LSAMP: variants seen among roughly 807,000 people sequenced by gnomAD.
The protein encoded by LSAMP is limbic system associated membrane protein, also known as limbic system-associated membrane protein.
A neutral mutation model predicts 38.6 loss-of-function variants in LSAMP; 7 were observed. The ratio of observed to expected loss-of-function variants is 0.18; its 90% CI spans 0.10 to 0.34. The LOEUF (loss-of-function observed/expected upper bound fraction) is 0.34. LSAMP is among the 10% of genes least tolerant of loss of function. The pLI is 1.00. For synonymous variants in LSAMP, 154 were observed against 166.8 expected, an observed-to-expected ratio of 0.92 and a Z score of 0.59; for missense variants, 313 against 420.0, an observed-to-expected ratio of 0.75 and a Z score of 2.23.
At chr3:116,428,183 G>T (rs1213006840) in intron 1 of LSAMP, among the ~76,000 whole-genome samples, 2 of 152,068 alleles carry the variant, frequency 1.3e-5, no homozygotes, top group Admixed American at 1.3e-4. Context: ...GTCTAGAATT[G>T]TCTGCAAATT....
At chr3:116,286,373 G>A (rs936862674) in intron 1 of LSAMP, among the ~76,000 whole-genome samples, 1 of 152,146 alleles carries the variant, frequency 6.6e-6, no homozygotes, top group Non-Finnish European at 1.5e-5. Flanking sequence ...GGTTAACAGG[G>A]TTTCCTTCAG....
At chr3:116,237,265 G>C (rs1034741779) in intron 1 of LSAMP, among the ~76,000 whole-genome samples, 1 of 152,120 alleles carries the variant, frequency 6.6e-6, no homozygotes, top group African/African-American at 2.4e-5. Context: ...TATAAGTACT[G>C]TGTTCCTTTT....
At chr3:116,157,988 A>G (rs1247520263) in intron 1 of LSAMP, among the ~76,000 whole-genome samples, 1 of 152,194 alleles carries the variant, frequency 6.6e-6, no homozygotes, top group East Asian at 1.9e-4. Flanking sequence ...CTAGCAGCAC[A>G]TCAAAAGATT....
intron 3 of LSAMP, among the ~76,000 whole-genome samples, chr3:115,879,705 T>C (rs1389903693): frequency 3.3e-5 from 5 of 152,168 alleles, no homozygotes; most frequent in Admixed American, 1.3e-4. Context: ...AATTGGCTAA[T>C]TGGCTAAGCC....
At chr3:116,353,363 C>T (rs1358147610) in intron 1 of LSAMP, among the ~76,000 whole-genome samples, 1 of 152,040 alleles carries the variant, frequency 6.6e-6, no homozygotes, top group East Asian at 1.9e-4. Context: ...TAGTTGGAAC[C>T]ATATAATTAT....
At chr3:116,325,307 A>G (rs985393138) in intron 1 of LSAMP, among the ~76,000 whole-genome samples, 5 of 151,914 alleles carry the variant, frequency 3.3e-5, no homozygotes, top group African/African-American at 1.2e-4. Context: ...CACCTGGCCT[A>G]AATATTATTT....
At chr3:116,290,148 C>T (rs1308842284) in intron 1 of LSAMP, among the ~76,000 whole-genome samples, 2 of 152,102 alleles carry the variant, frequency 1.3e-5, no homozygotes, top group Non-Finnish European at 2.9e-5. Flanking sequence ...GGGTATACAA[C>T]TCCCTCATTT....
chr3:116,427,295 T>C (rs1301986778), intron 1 of LSAMP, among the ~76,000 whole-genome samples: 3 of 151,336 alleles, frequency 2.0e-5, no homozygotes, highest in Non-Finnish European at 2.9e-5. Context: ...TAATTTTTTG[T>C]ATTTTTAGTA....
intron 3 of LSAMP, among the ~76,000 whole-genome samples, chr3:115,856,285 G>T (rs1228510776): frequency 1.3e-5 from 2 of 152,166 alleles, no homozygotes; most frequent in Non-Finnish European, 2.9e-5. Flanking sequence ...ATTAGGTCAT[G>T]AAGATGGAGC....
At chr3:116,145,543 C>T (rs1478105816) in intron 1 of LSAMP, among the ~76,000 whole-genome samples, 1 of 151,882 alleles carries the variant, frequency 6.6e-6, no homozygotes, top group Non-Finnish European at 1.5e-5. Flanking sequence ...GAATGAGGTC[C>T]AAGGGTGATC....
intron 1 of LSAMP, among the ~76,000 whole-genome samples, chr3:116,276,068 G>A (rs1438033671): frequency 6.6e-6 from 1 of 152,192 alleles, no homozygotes; most frequent in African/African-American, 2.4e-5. Flanking sequence ...TTTAACATTA[G>A]CACTAATTGA....
chr3:116,367,310 A>T (rs551877608), intron 1 of LSAMP, among the ~76,000 whole-genome samples: 11 of 152,282 alleles, frequency 7.2e-5, no homozygotes, highest in Non-Finnish European at 1.3e-4. Context: ...AGGTAAAAAG[A>T]GAAATCAGGA....
chr3:116,379,877 C>A (rs182144907), intron 1 of LSAMP, among the ~76,000 whole-genome samples: 3 of 152,134 alleles, frequency 2.0e-5, no homozygotes, highest in African/African-American at 7.2e-5. Flanking sequence ...GAAACTTAGT[C>A]ATTGTCATAA....
chr3:116,306,127 A>G (rs1390131721), intron 1 of LSAMP, among the ~76,000 whole-genome samples: 2 of 152,066 alleles, frequency 1.3e-5, no homozygotes, highest in East Asian at 1.9e-4. Context: ...AAAGAATGGT[A>G]TATAAAAGTA....
intron 3 of LSAMP, among the ~76,000 whole-genome samples, chr3:115,994,022 A>C (rs1011428942): frequency 6.6e-5 from 10 of 152,080 alleles, no homozygotes; most frequent in African/African-American, 2.4e-4. Flanking sequence ...AGTTGGGAAA[A>C]AGAAACTTTG....
At chr3:116,143,168 G>A (rs1222017380) in intron 1 of LSAMP, among the ~76,000 whole-genome samples, 1 of 151,608 alleles carries the variant, frequency 6.6e-6, no homozygotes, top group Non-Finnish European at 1.5e-5. Flanking sequence ...AGTTAGAAAC[G>A]CCTTACAGGC....
intron 1 of LSAMP, among the ~76,000 whole-genome samples, chr3:116,375,453 TA>T (rs2048483483): frequency 6.6e-6 from 1 of 151,858 alleles, no homozygotes; most frequent in Non-Finnish European, 1.5e-5. Flanking sequence ...ATAAAAATAA[TA>T]AAAAATGAAA....
chr3:115,924,175 TTAAC>T (rs1466632173), intron 3 of LSAMP, among the ~76,000 whole-genome samples: 1 of 152,176 alleles, frequency 6.6e-6, no homozygotes, highest in Admixed American at 6.5e-5. Flanking sequence ...CTTTTTGACT[TTAAC>T]TAAAATTTTT....
chr3:115,818,729 G>T (rs1355280706), intron 6 of LSAMP, among the ~76,000 whole-genome samples: 1 of 125,958 alleles, frequency 7.9e-6, no homozygotes, highest in Non-Finnish European at 1.7e-5. Flanking sequence ...CAAGTCCAAA[G>T]AATTTATATA....
Sources: allele counts gnomAD v4.1 joint callset (sites outside exome capture counted in the v4.1 genomes callset), GRCh38; gene constraint gnomAD v4.1.1; transcripts MANE v1.5; gene names NCBI Gene and HGNC (gene_info 2026-07-23, HGNC 2026-07-21).